The following PPP2R3B variants were observed in gnomAD, a reference collection of about 807,000 sequenced individuals.
The protein encoded by PPP2R3B is serine/threonine-protein phosphatase 2A regulatory subunit B'' subunit beta.
A neutral mutation model predicts 72.9 loss-of-function variants in PPP2R3B; 68 were observed. That is an observed-to-expected ratio of 0.93 (90% CI 0.77 to 1.14). The LOEUF is 1.14. Ranked by LOEUF, PPP2R3B falls within the 50% of genes most tolerant of loss-of-function variation. The pLI is 0.00. For missense variants in PPP2R3B, 1,018 were observed against 842.0 expected (o/e 1.21, Z -2.59); for synonymous variants, 466 against 375.8 (o/e 1.24, Z -2.78).
At chrX:354,372 A>C (rs1243509564) in intron 2 of PPP2R3B, among the ~76,000 whole-genome samples, 1 of 149,652 alleles carries the variant, frequency 6.7e-6, no homozygotes, top group Non-Finnish European at 1.5e-5. Context: ...CGGGCAATGC[A>C]CGCTGCGGTG....
chrX:381,799 T>C lies in PPP2R3B; in HGVS notation c.324+4569A>G, dbSNP rs763386403. Reference sequence around the variant, plus strand: ...ATCTTTAGTAGAGACAGGGTTTCACTGTGTTAGCCAAGATGGTCTCTATCT... The same window carrying C: ...ATCTTTAGTAGAGACAGGGTTTCACCGTGTTAGCCAAGATGGTCTCTATCT... On this transcript the variant is annotated intron_variant, in intron 1 of 12. Coordinates refer to ENST00000390665, the MANE Select transcript of PPP2R3B (RefSeq NM_013239.5). Among the ~76,000 whole-genome samples the C allele has an allele frequency of 9.9e-5, 15 of 151,936 alleles. 1 individual carries two copies. The South Asian group carries it at 2.1e-3, about 21-fold the overall frequency.
chrX:338,932 C>G, intron 10 of PPP2R3B, 36 bp from the exon 11 acceptor site: 1 of 1,572,288 alleles, frequency 6.4e-7, no homozygotes, highest in Non-Finnish European at 8.7e-7. Context: ...GCGCGTGAGC[C>G]CGGTCTCACC....
At chrX:339,369 C>T (rs187894571) in intron 10 of PPP2R3B, among the ~76,000 whole-genome samples, 699 of 61,814 alleles carry the variant, frequency 0.011, 16 homozygotes, top group African/African-American at 0.042. Context: ...GGAAGCCAGG[C>T]GGCGTGGACG....
chrX:385,730 C>G (rs1488799577), intron 1 of PPP2R3B, among the ~76,000 whole-genome samples: 1 of 152,084 alleles, frequency 6.6e-6, no homozygotes. Flanking sequence ...GTGTTTGCGC[C>G]ACTGCACTCC....
intron 1 of PPP2R3B, 101 bp from the exon 2 acceptor site, chrX:361,691 G>C: frequency 7.2e-7 from 1 of 1,391,874 alleles, no homozygotes. Flanking sequence ...ACAGTGCTGA[G>C]GCCACCTGAT....
chrX:345,293 C>A (rs1319568287), intron 7 of PPP2R3B: 2 of 726,522 alleles, frequency 2.8e-6, no homozygotes, highest in Non-Finnish European at 4.9e-6. Context: ...TAGACGCCCC[C>A]AGGCAGAGGC....
intron 1 of PPP2R3B, among the ~76,000 whole-genome samples, chrX:367,744 C>A (rs2071753392): frequency 6.6e-6 from 1 of 152,172 alleles, no homozygotes; most frequent in Non-Finnish European, 1.5e-5. Context: ...AGTTACAAGA[C>A]AAAGGTCTGA....
intron 1 of PPP2R3B, among the ~76,000 whole-genome samples, chrX:362,520 C>A (rs970636803): frequency 6.6e-6 from 1 of 151,334 alleles, no homozygotes; most frequent in Non-Finnish European, 1.5e-5. Context: ...GCTTCGTCCT[C>A]CCCCATCAAC....
At chrX:380,049 T>C (rs564989202) in intron 1 of PPP2R3B, among the ~76,000 whole-genome samples, 71 of 152,284 alleles carry the variant, frequency 4.7e-4, no homozygotes, top group African/African-American at 1.7e-3. Flanking sequence ...GTCATCCAGA[T>C]ACCTCACCTC....
Position 334,421 on chromosome X carries a change from G to T in PPP2R3B, c.1674C>A (p.Gly558=). The T allele has an allele frequency of 6.3e-7, 1 of 1,592,946 alleles. No homozygotes were observed. The highest frequency in any genetic ancestry group is 2.3e-5 in the East Asian group (1 of 44,190). Residue 558 remains glycine, a synonymous_variant, in exon 13 of 13, where the codon GGC becomes GGA. Coordinates refer to ENST00000390665, the MANE Select transcript of PPP2R3B (RefSeq NM_013239.5). ...RPFFEAPSPL[G]AVDLYEYACG... ...ATGCGTACTCGTACAGGTCCACGGCGCCCAGCGGTGAGGGCGCCTCGAAGA... is the reference window on the plus strand; with the variant it reads ...ATGCGTACTCGTACAGGTCCACGGCTCCCAGCGGTGAGGGCGCCTCGAAGA...
chrX:353,770 TCACC>T (rs112972023), intron 2 of PPP2R3B, among the ~76,000 whole-genome samples: 9,134 of 151,212 alleles, frequency 0.06, 660 homozygotes, highest in East Asian at 0.19. Flanking sequence ...GACCGGGGGC[TCACC>T]CAAAGACCGG....
chrX:363,967 C>T (rs1402955044), intron 1 of PPP2R3B, among the ~76,000 whole-genome samples: 29 of 152,234 alleles, frequency 1.9e-4, no homozygotes, highest in African/African-American at 6.5e-4. Context: ...AGTTGACAAA[C>T]GTCTTCTAGA....
rs1215185218 is a variant in PPP2R3B at position 334,312 on chromosome X, G to A, written c.*55C>T. 2 of 1,426,790 alleles carry A rather than the reference G, an allele frequency of 1.4e-6. No homozygotes were observed. Among genetic ancestry groups the A allele is most frequent in the African/African-American group, 1.5e-5 (1 of 66,114 alleles). The allele number at this position is 1,426,790 out of a possible 1,614,324, so 88.4% of individuals were successfully genotyped here. On this transcript the variant is annotated 3_prime_UTR_variant, in exon 13 of 13. Transcript: ENST00000390665. ...CAACAGTTTTTACACGAGCCGCGGT[G>A]GCCCGGTGGTGGCACGTGGGGAGCG... is the stretch of plus-strand genomic sequence containing the variant.
intron 7 of PPP2R3B, 98 bp downstream of exon 7, chrX:345,418 G>C: frequency 1.3e-6 from 2 of 1,493,062 alleles, no homozygotes; most frequent in African/African-American, 1.4e-5. Flanking sequence ...ACACAGAGCT[G>C]GGAGTGCGGA....
Position 386,661 on chromosome X carries a change from G to T in PPP2R3B, c.31C>A (p.Leu11Met). MPPGKVLQPV[L>M]KMKVDELFLY... ...AACAGCTCGTCCACCTTCATCTTCA[G>T]GACCGGCTGCAGCACTTTGCCGGGC... The change falls in exon 1 of 13, where the codon CTG (leucine) becomes ATG (methionine). Residue 11 changes from leucine (L) to methionine (M), a missense_variant. Transcript: ENST00000390665. 1 of 1,391,716 alleles carries T rather than the reference G, an allele frequency of 7.2e-7. No homozygotes were observed. Among genetic ancestry groups the T allele is most frequent in the Non-Finnish European group, 9.3e-7 (1 of 1,072,620 alleles). 86.2% of individuals were successfully genotyped at this position (1,391,716 alleles called of 1,614,324 possible). A position where few individuals can be genotyped will look rare whatever the true frequency, so the allele number is the denominator to read the frequency against.
intron 2 of PPP2R3B, among the ~76,000 whole-genome samples, chrX:359,330 G>C (rs149814576): frequency 3.9e-5 from 6 of 152,240 alleles, no homozygotes; most frequent in African/African-American, 4.8e-5. Context: ...TGAGCAAGGC[G>C]TGTTAAGTCG....
intron 8 of PPP2R3B, 99 bp from the exon 9 acceptor site, chrX:341,495 C>CCCCCG (rs996069149): frequency 9.2e-6 from 12 of 1,300,070 alleles, no homozygotes; most frequent in Non-Finnish European, 1.3e-5. Flanking sequence ...GGGAGCCCCC[C>CCCCCG]GGGCCCGGCC....
chrX:386,463 G>C lies in PPP2R3B; in HGVS notation c.229C>G (p.Pro77Ala). Residue 77 changes from proline to alanine, a missense_variant, in exon 1 of 13, where the codon CCC becomes GCC. Physicochemically the swap from Pro to Ala is conservative, Grantham distance 27 (BLOSUM62 -1). Coordinates refer to ENST00000390665, the MANE Select transcript of PPP2R3B (RefSeq NM_013239.5). ...RPSGLEPPGT[P>A]GPGPALPLGA... ...AGGGGCAGCGCAGGGCCCGGCCCGGGGGTTCCCGGGGGTTCGAGCCCGCTG... is the reference window on the plus strand; with the variant it reads ...AGGGGCAGCGCAGGGCCCGGCCCGGCGGTTCCCGGGGGTTCGAGCCCGCTG... The C allele has an allele frequency of 3.1e-6, 4 of 1,287,702 alleles. No individual in the cohort carries two copies. The highest frequency in any genetic ancestry group is 2.0e-6 in the Non-Finnish European group (2 of 1,015,076). The allele number at this position is 1,287,702 out of a possible 1,614,324, so 79.8% of individuals were successfully genotyped here. A position where few individuals can be genotyped will look rare whatever the true frequency, so the allele number is the denominator to read the frequency against.
intron 1 of PPP2R3B, among the ~76,000 whole-genome samples, chrX:383,430 G>A (rs1257425925): frequency 1.3e-5 from 2 of 152,114 alleles, no homozygotes; most frequent in South Asian, 2.1e-4. Context: ...TCAGGCTTCC[G>A]TAGTATTCTC....
Sources: gnomAD v4.1 joint callset for allele counts (sites outside exome capture counted in the v4.1 genomes callset) on GRCh38, gnomAD v4.1.1 for gene constraint, MANE v1.5 for transcripts, NCBI Gene and HGNC (gene_info 2026-07-23, HGNC 2026-07-21) for gene names.